The following VCL variants were observed in gnomAD, a reference collection of about 807,000 sequenced individuals.
VCL encodes vinculin.
VCL carries 47 observed loss-of-function variants against 125.7 expected under a neutral mutation model. The ratio of observed to expected loss-of-function variants is 0.37; its 90% CI spans 0.30 to 0.48. VCL has a LOEUF of 0.48. Among genes scored for constraint, VCL ranks in the 20% least tolerant of loss-of-function variants. The probability of loss-of-function intolerance (pLI) is 0.99; values close to 1 mark genes in which losing one functional copy is unlikely to be tolerated. For synonymous variants in VCL, 458 were observed against 514.6 expected (o/e 0.89, Z 1.49); for missense variants, 1,069 against 1,455.5 (o/e 0.73, Z 4.32).
intron 2 of VCL, among the ~76,000 whole-genome samples, chr10:74,052,093 C>T (rs1285711214): frequency 6.6e-6 from 1 of 151,944 alleles, no homozygotes; most frequent in Non-Finnish European, 1.5e-5. Context: ...CAGTTGTTGC[C>T]ATGGAAAGGG....
At position 73,998,253 on chromosome 10, in the gene VCL, G is replaced by C; in HGVS notation, c.46G>C (p.Val16Leu). The change falls in exon 1 of 22, where the codon GTG becomes CTG. Residue 16 changes from valine (V) to leucine (L), a missense_variant. Physicochemically the swap from Val to Leu is conservative, Grantham distance 32. Transcript: ENST00000211998. ...CACGATCGAGAGCATCCTGGAGCCG[G>C]TGGCACAGCAGATCTCCCACCTGGT... ...TRTIESILEP[V>L]AQQISHLVIM... The C allele has an allele frequency of 1.9e-6, 3 of 1,612,730 alleles. No individual in the cohort carries two copies. The highest frequency in any genetic ancestry group is 2.5e-6 in the Non-Finnish European group (3 of 1,179,410).
chr10:74,034,145 C>G (rs1371976078), intron 1 of VCL, among the ~76,000 whole-genome samples: 1 of 152,170 alleles, frequency 6.6e-6, no homozygotes, highest in African/African-American at 2.4e-5. Context: ...TCGCTCTGAT[C>G]CATTCTTGCT....
At chr10:74,115,682 T>C (rs563111849) in intron 21 of VCL, among the ~76,000 whole-genome samples, 1 of 152,314 alleles carries the variant, frequency 6.6e-6, no homozygotes, top group South Asian at 2.1e-4. Context: ...GGAGGATGAA[T>C]AGTGCAGGCT....
chr10:74,084,012 G>A (rs893374186), intron 8 of VCL, among the ~76,000 whole-genome samples: 2 of 151,880 alleles, frequency 1.3e-5, no homozygotes, highest in Non-Finnish European at 2.9e-5. Context: ...GATTATAGGC[G>A]CCCGCCACCA....
At chr10:74,089,696 C>T (rs1044284786) in intron 9 of VCL, among the ~76,000 whole-genome samples, 7 of 152,090 alleles carry the variant, frequency 4.6e-5, no homozygotes, top group East Asian at 1.9e-4. Flanking sequence ...TAAAGTTTTC[C>T]GATACTGCTC....
At chr10:74,047,068 A>G (rs1330756809) in intron 2 of VCL, among the ~76,000 whole-genome samples, 1 of 152,214 alleles carries the variant, frequency 6.6e-6, no homozygotes, top group African/African-American at 2.4e-5. Flanking sequence ...CAAAATTTTT[A>G]GAGTAGCCCA....
At chr10:74,061,978 G>C (rs575526656) in intron 2 of VCL, among the ~76,000 whole-genome samples, 7 of 149,392 alleles carry the variant, frequency 4.7e-5, no homozygotes, top group African/African-American at 1.5e-4. Flanking sequence ...GCCCACTGCA[G>C]CCTCAACCTC....
chr10:74,091,786 C>G (rs1202147125), intron 10 of VCL, among the ~76,000 whole-genome samples: 1 of 50,854 alleles, frequency 2.0e-5, no homozygotes, highest in East Asian at 4.8e-4. Context: ...GAGACTCTGT[C>G]TCAGCAAAAA....
In VCL at chr10:74,120,011, T is replaced by TAAAAAAAAAAAA; in HGVS notation, c.*1851_*1862dup. Reference sequence around the variant, plus strand: ...GTGCTCGAGACACAGTGAAGCAAATTAAAAAAAAAAAAAAAAAAAATCCCT... The same window carrying TAAAAAAAAAAAA: ...GTGCTCGAGACACAGTGAAGCAAATTAAAAAAAAAAAAAAAAAAAAAAAAAAAAAAAATCCCT... On this transcript the variant is annotated 3_prime_UTR_variant, in exon 22 of 22. Transcript: ENST00000211998. 7.7e-6 allele frequency: 1 copy of TAAAAAAAAAAAA among 129,100 alleles called. No homozygotes were observed. Among genetic ancestry groups the TAAAAAAAAAAAA allele is most frequent in the Non-Finnish European group, 1.6e-5 (1 of 62,318 alleles). The allele number at this position is 129,100 out of a possible 1,614,324, so 8.0% of individuals were successfully genotyped here. A position where few individuals can be genotyped will look rare whatever the true frequency, so the allele number is the denominator to read the frequency against.
At chr10:74,050,405 A>T (rs1841278838) in intron 2 of VCL, among the ~76,000 whole-genome samples, 1 of 152,236 alleles carries the variant, frequency 6.6e-6, no homozygotes, top group Non-Finnish European at 1.5e-5. Context: ...TTAGTTAAGA[A>T]CAGTTATGGT....
intron 1 of VCL, among the ~76,000 whole-genome samples, chr10:74,037,999 CTTTT>C (rs56198344): frequency 3.8e-5 from 5 of 130,056 alleles, no homozygotes; most frequent in Non-Finnish European, 4.9e-5. Flanking sequence ...CTTTTCTTTT[CTTTT>C]TTTTTTTTTT....
At chr10:74,048,540 A>G (rs1190604964) in intron 2 of VCL, among the ~76,000 whole-genome samples, 1 of 151,666 alleles carries the variant, frequency 6.6e-6, no homozygotes, top group Non-Finnish European at 1.5e-5. Context: ...ACTGTACTCC[A>G]TGTTTACATT....
Position 74,095,802 on chromosome 10 carries a change from G to C in VCL, c.1690G>C (p.Gly564Arg), listed in dbSNP as rs374538684. Reference sequence around the variant, plus strand: ...GGCTGACCTGGCTGCCAGAGGGGAAGGGGAGAGTCCTCAGGCACGAGCACT... The same window carrying C: ...GGCTGACCTGGCTGCCAGAGGGGAACGGGAGAGTCCTCAGGCACGAGCACT... The part of the protein sequence containing the change: ...QLADLAARGE[G>R]ESPQARALAS... Residue 564 changes from glycine (G) to arginine (R), a missense_variant, in exon 12 of 22, where the codon GGG becomes CGG. Around this residue, in one of 6 missense-constraint regions of VCL, gnomAD observed 760 missense variants for 928.9 expected, o/e 0.82. Coordinates refer to ENST00000211998, the MANE Select transcript of VCL (RefSeq NM_014000.3). 6.2e-7 allele frequency: 1 copy of C among 1,614,184 alleles called. No individual in the cohort carries two copies. Among genetic ancestry groups the C allele is most frequent in the African/African-American group, 1.3e-5 (1 of 75,052 alleles).
intron 21 of VCL, among the ~76,000 whole-genome samples, chr10:74,117,030 T>C (rs758359949): frequency 2.6e-5 from 4 of 152,258 alleles, no homozygotes; most frequent in African/African-American, 4.8e-5. Context: ...TGACTTTCTA[T>C]GGTAGAGTAC....
At chr10:74,081,526 GA>G (rs1245530601) in intron 6 of VCL, among the ~76,000 whole-genome samples, 1 of 152,208 alleles carries the variant, frequency 6.6e-6, no homozygotes, top group African/African-American at 2.4e-5. Context: ...AACTCTGTAA[GA>G]GTCAGTTTCC....
chr10:74,075,579 T>G (rs1839571928), intron 6 of VCL: 1 of 152,878 alleles, frequency 6.5e-6, no homozygotes, highest in South Asian at 2.1e-4. Context: ...TGAACCAAGC[T>G]TTCAGGTCTG....
At chr10:74,046,411 AT>A (rs1245323358) in intron 2 of VCL, among the ~76,000 whole-genome samples, 1 of 151,988 alleles carries the variant, frequency 6.6e-6, no homozygotes, top group Non-Finnish European at 1.5e-5. Flanking sequence ...TGCCCGGACA[AT>A]TTTTAAATCA....
rs757009736 is a variant in VCL at position 74,095,671 on chromosome 10, G to A, written c.1559G>A (p.Arg520Gln). Residue 520 changes from arginine (R) to glutamine (Q), a missense_variant, in exon 12 of 22, where the codon CGG (arginine) becomes CAG (glutamine). Transcript: ENST00000211998. ...DDRGVGQAAIRGLVAEGHRLA... is the reference protein window; with the variant it reads ...DDRGVGQAAIQGLVAEGHRLA... ...CTTGGTCCAGGTCAGGCTGCCATCC[G>A]GGGGCTTGTGGCCGAAGGGCATCGT... The A allele has an allele frequency of 1.4e-5, 23 of 1,613,970 alleles. No homozygotes were observed. The highest frequency in any genetic ancestry group is 1.9e-5 in the Non-Finnish European group (22 of 1,180,014).
chr10:74,079,002 C>T (rs954037243), intron 6 of VCL, among the ~76,000 whole-genome samples: 3 of 151,882 alleles, frequency 2.0e-5, no homozygotes, highest in Admixed American at 6.6e-5. Flanking sequence ...CTTTTTTAAC[C>T]GAAGTTCCTC....
Sources: allele counts gnomAD v4.1 joint callset (sites outside exome capture counted in the v4.1 genomes callset), GRCh38; gene constraint gnomAD v4.1.1; regional missense constraint gnomAD v4.1.1; transcripts MANE v1.5; gene names NCBI Gene and HGNC (gene_info 2026-07-23, HGNC 2026-07-21).